LSAMP: variants seen among roughly 807,000 people sequenced by gnomAD.
LSAMP encodes the protein limbic system associated membrane protein.
LSAMP carries 7 observed loss-of-function variants against 38.6 expected under a neutral mutation model. The observed-to-expected ratio is 0.18, with a 90% confidence interval of 0.10 to 0.34. The LOEUF (loss-of-function observed/expected upper bound fraction) is 0.34, where lower values mean the gene tolerates loss of function less well. LSAMP is among the 10% of genes least tolerant of loss of function. LSAMP has a pLI of 1.00. For synonymous variants in LSAMP, 154 were observed against 166.8 expected, an observed-to-expected ratio of 0.92 and a Z score of 0.59; for missense variants, 313 against 420.0, an observed-to-expected ratio of 0.75 and a Z score of 2.23.
chr3:116,211,009 A>C (rs909666173), intron 1 of LSAMP, among the ~76,000 whole-genome samples: 22 of 152,256 alleles, frequency 1.4e-4, no homozygotes, highest in East Asian at 5.8e-4. Context: ...CTTAAAAAAA[A>C]AAAAACAAAA....
intron 1 of LSAMP, 22 bp from the exon 2 acceptor site, chr3:116,086,578 AT>A: frequency 6.4e-7 from 1 of 1,573,474 alleles, no homozygotes; most frequent in Non-Finnish European, 8.7e-7. Flanking sequence ...GAGTAACAAT[AT>A]TAGTGCCTTA....
At position 116,445,082 on chromosome 3, in the gene LSAMP, C is replaced by G; in HGVS notation, c.-51G>C. ...GCGGGGTGCTCTGGAGGGGTGCGCG[C>G]TGCTCGCGAGGAGAGGCTTCACCAA... On this transcript the variant is annotated 5_prime_UTR_variant, in exon 1 of 7. Transcript: ENST00000490035. The G allele has an allele frequency of 6.4e-7, 1 of 1,563,082 alleles. No individual in the cohort carries two copies. The highest frequency in any genetic ancestry group is 8.7e-7 in the Non-Finnish European group (1 of 1,151,854).
chr3:116,370,896 C>A (rs1162781480), intron 1 of LSAMP, among the ~76,000 whole-genome samples: 2 of 152,106 alleles, frequency 1.3e-5, no homozygotes, highest in Non-Finnish European at 2.9e-5. Flanking sequence ...GAAGTGAGGA[C>A]ATCGCTACTG....
At chr3:115,899,654 A>G (rs1276673274) in intron 3 of LSAMP, among the ~76,000 whole-genome samples, 1 of 152,166 alleles carries the variant, frequency 6.6e-6, no homozygotes, top group Non-Finnish European at 1.5e-5. Context: ...CATAAAATCT[A>G]GATGTGATGC....
intron 1 of LSAMP, among the ~76,000 whole-genome samples, chr3:116,336,692 A>G (rs960684258): frequency 6.6e-6 from 1 of 151,998 alleles, no homozygotes; most frequent in Non-Finnish European, 1.5e-5. Context: ...ACTGTTGGTG[A>G]GAATGCAAAA....
At chr3:115,930,935 C>T (rs1212573134) in intron 3 of LSAMP, among the ~76,000 whole-genome samples, 3 of 152,040 alleles carry the variant, frequency 2.0e-5, no homozygotes, top group Non-Finnish European at 4.4e-5. Flanking sequence ...TTTATAAAAA[C>T]AAGATAAAAA....
chr3:116,246,425 A>G (rs776535397), intron 1 of LSAMP, among the ~76,000 whole-genome samples: 2 of 152,228 alleles, frequency 1.3e-5, no homozygotes, highest in Non-Finnish European at 2.9e-5. Context: ...ACAGCAGTCC[A>G]CAATGCTTAA....
chr3:115,989,342 T>C (rs919437917), intron 3 of LSAMP, among the ~76,000 whole-genome samples: 1 of 152,108 alleles, frequency 6.6e-6, no homozygotes, highest in Non-Finnish European at 1.5e-5. Flanking sequence ...ATATTGGTAA[T>C]TAGAAAAATA....
chr3:116,099,738 C>T (rs1708302479), intron 1 of LSAMP, among the ~76,000 whole-genome samples: 1 of 152,122 alleles, frequency 6.6e-6, no homozygotes, highest in African/African-American at 2.4e-5. Flanking sequence ...TCTTGTTTCT[C>T]TTCCTAACTC....
At chr3:116,105,292 A>C (rs1177089552) in intron 1 of LSAMP, among the ~76,000 whole-genome samples, 9 of 152,242 alleles carry the variant, frequency 5.9e-5, no homozygotes, top group Admixed American at 2.0e-4. Context: ...ATGATGTGAG[A>C]GGACTAACTG....
chr3:116,390,280 G>A (rs188244807), intron 1 of LSAMP, among the ~76,000 whole-genome samples: 121 of 152,152 alleles, frequency 8.0e-4, no homozygotes, highest in Admixed American at 3.1e-3. Flanking sequence ...TGTAAGCAGT[G>A]GGATATGTTT....
intron 1 of LSAMP, among the ~76,000 whole-genome samples, chr3:116,387,640 T>C (rs1225388270): frequency 6.6e-6 from 1 of 151,984 alleles, no homozygotes; most frequent in Non-Finnish European, 1.5e-5. Flanking sequence ...AGATGGTAAG[T>C]TGGGGTAAAG....
At chr3:115,924,645 A>C (rs1454576113) in intron 3 of LSAMP, among the ~76,000 whole-genome samples, 1 of 152,212 alleles carries the variant, frequency 6.6e-6, no homozygotes, top group Non-Finnish European at 1.5e-5. Context: ...CTGATAAAGT[A>C]GGGAGAAAGT....
chr3:116,220,732 C>T (rs1213197909), intron 1 of LSAMP, among the ~76,000 whole-genome samples: 1 of 152,124 alleles, frequency 6.6e-6, no homozygotes, highest in African/African-American at 2.4e-5. Context: ...CACTTATCTA[C>T]TACTGTAATC....
chr3:116,332,862 T>A (rs891745369), intron 1 of LSAMP, among the ~76,000 whole-genome samples: 1 of 151,920 alleles, frequency 6.6e-6, no homozygotes, highest in Non-Finnish European at 1.5e-5. Flanking sequence ...TCAGACAAAA[T>A]GAACTTAAAA....
At chr3:116,308,443 G>C (rs2047513637) in intron 1 of LSAMP, among the ~76,000 whole-genome samples, 2 of 152,000 alleles carry the variant, frequency 1.3e-5, no homozygotes, top group Non-Finnish European at 2.9e-5. Context: ...AGTCTACACT[G>C]GATTAATGAA....
chr3:116,118,406 C>CGCTTCA (rs1708801155), intron 1 of LSAMP, among the ~76,000 whole-genome samples: 1 of 152,166 alleles, frequency 6.6e-6, no homozygotes, highest in Admixed American at 6.5e-5. Flanking sequence ...TACTGGCTTA[C>CGCTTCA]GCTTCAGCAT....
chr3:115,878,034 C>T (rs1559863536), intron 3 of LSAMP, among the ~76,000 whole-genome samples: 1 of 152,204 alleles, frequency 6.6e-6, no homozygotes, highest in Non-Finnish European at 1.5e-5. Context: ...AGCTCCATCT[C>T]CCTGGGCCAT....
At chr3:116,043,266 G>A (rs1376095543) in intron 2 of LSAMP, among the ~76,000 whole-genome samples, 2 of 152,046 alleles carry the variant, frequency 1.3e-5, no homozygotes, top group Non-Finnish European at 2.9e-5. Flanking sequence ...AAAACTTTCC[G>A]ATTTAGGTGA....
Sources: allele counts gnomAD v4.1 joint callset (sites outside exome capture counted in the v4.1 genomes callset), GRCh38; gene constraint gnomAD v4.1.1; transcripts MANE v1.5; gene names NCBI Gene and HGNC (gene_info 2026-07-23, HGNC 2026-07-21).